GUCY1A2: variants seen among roughly 807,000 people sequenced by gnomAD.
The protein encoded by GUCY1A2 is guanylate cyclase soluble subunit alpha-2.
GUCY1A2 carries 27 observed loss-of-function variants against 63.5 expected under a neutral mutation model. That is an observed-to-expected ratio of 0.43 (90% CI 0.31 to 0.59). The LOEUF is 0.59. Ranked by LOEUF, GUCY1A2 falls within the 20% of genes least tolerant of loss-of-function variation. GUCY1A2 has a pLI of 0.11. For missense variants in GUCY1A2, 768 were observed against 913.3 expected, an observed-to-expected ratio of 0.84 and a Z score of 2.05; for synonymous variants, 364 against 343.5, an observed-to-expected ratio of 1.06 and a Z score of -0.66.
At chr11:106,701,529 C>T (rs993691534) in intron 7 of GUCY1A2, among the ~76,000 whole-genome samples, 4 of 151,968 alleles carry the variant, frequency 2.6e-5, no homozygotes, top group Admixed American at 2.0e-4. Context: ...ATCCTCTCAT[C>T]GAGGCTAGTA....
At chr11:106,767,548 A>C (rs1212978855) in intron 6 of GUCY1A2, among the ~76,000 whole-genome samples, 2 of 152,146 alleles carry the variant, frequency 1.3e-5, no homozygotes, top group African/African-American at 4.8e-5. Context: ...ATATGATTAA[A>C]ATTCTGTGAT....
At chr11:106,881,588 A>G (rs1859824134) in intron 4 of GUCY1A2, among the ~76,000 whole-genome samples, 1 of 152,024 alleles carries the variant, frequency 6.6e-6, no homozygotes, top group Non-Finnish European at 1.5e-5. Context: ...AAGAAAATGA[A>G]TACCAATTTA....
chr11:106,800,839 T>C (rs899232847), intron 5 of GUCY1A2, among the ~76,000 whole-genome samples: 10 of 151,778 alleles, frequency 6.6e-5, no homozygotes, highest in Admixed American at 2.0e-4. Flanking sequence ...TATACATATG[T>C]AACAAACCTG....
intron 2 of GUCY1A2, among the ~76,000 whole-genome samples, chr11:106,984,200 T>G (rs17106274): frequency 6.6e-6 from 1 of 152,082 alleles, no homozygotes; most frequent in African/African-American, 2.4e-5. Context: ...GTACTTCAAG[T>G]CCAAGAAATC....
Position 106,685,784 on chromosome 11 carries a change from T to C in GUCY1A2, c.*1765A>G, listed in dbSNP as rs1862516365. The C allele has an allele frequency of 1.1e-4, 25 of 226,836 alleles. No individual in the cohort carries two copies. The East Asian group carries it at 1.6e-3, about 14-fold the overall frequency. 14.1% of individuals were successfully genotyped at this position (226,836 alleles called of 1,614,324 possible). A position where few individuals can be genotyped will look rare whatever the true frequency, so the allele number is the denominator to read the frequency against. ...GGTTTAGAGCTCAAGGTCTATTTCC[T>C]GTCTTCTCCATATAAAGAGTGTTGC... On this transcript the variant is annotated 3_prime_UTR_variant, in exon 8 of 8. Transcript: ENST00000526355.
chr11:106,813,509 G>A (rs1858791894), intron 4 of GUCY1A2, among the ~76,000 whole-genome samples: 1 of 152,014 alleles, frequency 6.6e-6, no homozygotes, highest in South Asian at 2.1e-4. Context: ...TCAGAATTGA[G>A]TAAGTCCAGG....
intron 4 of GUCY1A2, among the ~76,000 whole-genome samples, chr11:106,899,163 G>A (rs897033827): frequency 1.3e-5 from 2 of 152,116 alleles, no homozygotes; most frequent in Non-Finnish European, 2.9e-5. Flanking sequence ...GGCCCCCAAA[G>A]TGAGAAATTT....
intron 6 of GUCY1A2, among the ~76,000 whole-genome samples, chr11:106,730,560 A>C (rs749922231): frequency 6.6e-6 from 1 of 152,100 alleles, no homozygotes; most frequent in Non-Finnish European, 1.5e-5. Flanking sequence ...TATTCTGAAT[A>C]GTGCTGCAGT....
chr11:106,898,711 G>C (rs1860085119), intron 4 of GUCY1A2, among the ~76,000 whole-genome samples: 1 of 152,054 alleles, frequency 6.6e-6, no homozygotes. Context: ...TAGGGAAGGA[G>C]GAATAGACAG....
Position 106,848,316 on chromosome 11 carries a change from T to C in GUCY1A2, c.1207-37838A>G, listed in dbSNP as rs114000550. On this transcript the variant is annotated intron_variant, in intron 4 of 7. Coordinates refer to ENST00000526355, the MANE Select transcript of GUCY1A2 (RefSeq NM_000855.3). ...CACACAATCAGTGAATATGAAATAATTGATTTTTCAGAAACATATACAGAT... is the reference window on the plus strand; with the variant it reads ...CACACAATCAGTGAATATGAAATAACTGATTTTTCAGAAACATATACAGAT... Among the ~76,000 whole-genome samples, 429 of 151,782 alleles carry C rather than the reference T, an allele frequency of 2.8e-3. 3 individuals carry two copies. Among genetic ancestry groups the C allele is most frequent in the African/African-American group, 7.2e-3 (300 of 41,536 alleles).
chr11:106,953,870 C>T (rs1278457413), intron 3 of GUCY1A2, among the ~76,000 whole-genome samples: 1 of 152,054 alleles, frequency 6.6e-6, no homozygotes, highest in Non-Finnish European at 1.5e-5. Flanking sequence ...GTGGTGATAT[C>T]CCATTTATCA....
intron 4 of GUCY1A2, among the ~76,000 whole-genome samples, chr11:106,926,441 C>G (rs1284887852): frequency 7.4e-6 from 1 of 134,286 alleles, no homozygotes; most frequent in Non-Finnish European, 1.6e-5. Flanking sequence ...CTATCTCTGT[C>G]TCAAAAAAAA....
intron 4 of GUCY1A2, among the ~76,000 whole-genome samples, chr11:106,819,146 A>G (rs1858868747): frequency 6.6e-6 from 1 of 152,194 alleles, no homozygotes; most frequent in Non-Finnish European, 1.5e-5. Context: ...ATCTCATGAT[A>G]AAACTTAAAT....
At chr11:106,967,567 G>A (rs1260792657) in intron 3 of GUCY1A2, among the ~76,000 whole-genome samples, 1 of 152,044 alleles carries the variant, frequency 6.6e-6, no homozygotes, top group African/African-American at 2.4e-5. Flanking sequence ...ACATAAACAG[G>A]AGAAAATCAG....
At chr11:106,714,438 G>C (rs947644509) in intron 6 of GUCY1A2, among the ~76,000 whole-genome samples, 2 of 152,150 alleles carry the variant, frequency 1.3e-5, no homozygotes, top group Non-Finnish European at 2.9e-5. Context: ...AATTTATTGA[G>C]ATTTCCCAGG....
At chr11:106,784,556 A>G (rs1412113982) in intron 5 of GUCY1A2, among the ~76,000 whole-genome samples, 3 of 152,110 alleles carry the variant, frequency 2.0e-5, no homozygotes, top group Admixed American at 6.6e-5. Flanking sequence ...AGCAGCCTCT[A>G]CCTCTTTGGC....
chr11:106,722,977 TTA>T (rs1341138789), intron 6 of GUCY1A2, among the ~76,000 whole-genome samples: 1 of 152,246 alleles, frequency 6.6e-6, no homozygotes, highest in Non-Finnish European at 1.5e-5. Flanking sequence ...GCAAATGAAT[TTA>T]TCACTATTAT....
rs551715006 is a variant in GUCY1A2, at chr11:106,674,283, G to A, written c.*13266C>T. 7.7e-5 allele frequency: 14 copies of A among 181,498 alleles called. No individual in the cohort carries two copies. The highest frequency in any genetic ancestry group is 1.8e-4 in the East Asian group (2 of 11,086). The allele number at this position is 181,498 out of a possible 1,614,324, so 11.2% of individuals were successfully genotyped here. ...TGCTATTTACATTGTGAATGATTTCGAATAATAACAAATAAAAGAATGAGT... is the reference window on the plus strand; with the variant it reads ...TGCTATTTACATTGTGAATGATTTCAAATAATAACAAATAAAAGAATGAGT... On this transcript the variant is annotated 3_prime_UTR_variant, in exon 8 of 8. Transcript: ENST00000526355.
intron 5 of GUCY1A2, among the ~76,000 whole-genome samples, chr11:106,781,515 C>T (rs1386700670): frequency 6.6e-6 from 1 of 152,066 alleles, no homozygotes; most frequent in Non-Finnish European, 1.5e-5. Flanking sequence ...TACATTATTC[C>T]AGAAATAAAG....
Sources: allele counts gnomAD v4.1 joint callset (sites outside exome capture counted in the v4.1 genomes callset), GRCh38; gene constraint gnomAD v4.1.1; transcripts MANE v1.5; gene names NCBI Gene and HGNC (gene_info 2026-07-23, HGNC 2026-07-21).